HS3ST3B1: variants seen among roughly 807,000 people sequenced by gnomAD.
HS3ST3B1 encodes heparan sulfate-glucosamine 3-sulfotransferase 3B1, also known as heparan sulfate glucosamine 3-O-sulfotransferase 3B1.
A neutral mutation model predicts 21.3 loss-of-function variants in HS3ST3B1; 13 were observed. The observed-to-expected ratio is 0.61, with a 90% CI of 0.40 to 0.97. HS3ST3B1 has a LOEUF of 0.97. Among genes scored for constraint, HS3ST3B1 ranks in the 50% least tolerant of loss-of-function variants. The probability of loss-of-function intolerance (pLI) is 0.00; values close to 1 mark genes in which losing one functional copy is unlikely to be tolerated. For missense variants in HS3ST3B1, 459 were observed against 554.8 expected, an observed-to-expected ratio of 0.83 and a Z score of 1.73; for synonymous variants, 234 against 254.8, an observed-to-expected ratio of 0.92 and a Z score of 0.78.
chr17:14,330,916 C>T (rs1344287422), intron 1 of HS3ST3B1, among the ~76,000 whole-genome samples: 7 of 151,996 alleles, frequency 4.6e-5, no homozygotes, highest in African/African-American at 1.5e-4. Context: ...AGAGACAAAA[C>T]GTTGGCCCAG....
At chr17:14,314,177 C>T (rs548754567) in intron 1 of HS3ST3B1, among the ~76,000 whole-genome samples, 4 of 152,164 alleles carry the variant, frequency 2.6e-5, no homozygotes, top group Admixed American at 1.3e-4. Context: ...CAGGGTTTCT[C>T]CATGTTGGTC....
At chr17:14,330,442 G>T (rs539559310) in intron 1 of HS3ST3B1, among the ~76,000 whole-genome samples, 1 of 152,168 alleles carries the variant, frequency 6.6e-6, no homozygotes, top group South Asian at 2.1e-4. Flanking sequence ...GTTGTCTGTG[G>T]CAGGGCAGGA....
At chr17:14,310,758 T>A (rs1280276801) in intron 1 of HS3ST3B1, among the ~76,000 whole-genome samples, 1 of 152,166 alleles carries the variant, frequency 6.6e-6, no homozygotes, top group Non-Finnish European at 1.5e-5. Context: ...CCTCCTGATG[T>A]GCTGTCGGGC....
intron 1 of HS3ST3B1, among the ~76,000 whole-genome samples, chr17:14,326,277 G>A (rs559865927): frequency 6.6e-6 from 1 of 152,278 alleles, no homozygotes; most frequent in South Asian, 2.1e-4. Context: ...GAGCGAGGGA[G>A]GAACTTAGAA....
chr17:14,329,219 G>T (rs1455369354), intron 1 of HS3ST3B1: 1 of 152,010 alleles, frequency 6.6e-6, no homozygotes, highest in Non-Finnish European at 1.5e-5. Context: ...CTTTTTAGCA[G>T]CCTCAGATGG....
chr17:14,313,905 C>A (rs960020618), intron 1 of HS3ST3B1, among the ~76,000 whole-genome samples: 1 of 152,050 alleles, frequency 6.6e-6, no homozygotes, highest in Non-Finnish European at 1.5e-5. Flanking sequence ...TGTGTTATCT[C>A]TTTTCAGTAT....
intron 1 of HS3ST3B1, chr17:14,304,569 A>G (rs1909067309): frequency 6.6e-6 from 1 of 152,252 alleles, no homozygotes; most frequent in Admixed American, 6.5e-5. Flanking sequence ...CTGCTGACCC[A>G]GAGCGCATTA....
Position 14,345,101 on chromosome 17 carries a change from G to T in HS3ST3B1, c.628G>T (p.Ala210Ser), listed in dbSNP as rs375098332. ...KTPSYFVTRE[A>S]PARISAMSKD... ...GCCCAGTTACTTCGTCACGCGGGAG[G>T]CCCCTGCGCGCATCTCGGCCATGTC... Residue 210 changes from alanine (A) to serine (S), a missense_variant, in exon 2 of 2, where the codon GCC becomes TCC. Around this residue, in one of 3 missense-constraint regions of HS3ST3B1, gnomAD observed 15 missense variants for 66.3 expected, o/e 0.23. Transcript: ENST00000360954. The T allele has an allele frequency of 1.3e-6, 2 of 1,570,246 alleles. No individual in the cohort carries two copies. The highest frequency in any genetic ancestry group is 2.7e-5 in the African/African-American group (2 of 74,548).
intron 1 of HS3ST3B1, among the ~76,000 whole-genome samples, chr17:14,331,372 G>GC (rs1910006611): frequency 6.6e-6 from 1 of 152,022 alleles, no homozygotes; most frequent in East Asian, 1.9e-4. Flanking sequence ...CGAGGATTCT[G>GC]CCCCAATGAA....
At chr17:14,312,876 C>A (rs1909352836) in intron 1 of HS3ST3B1, among the ~76,000 whole-genome samples, 1 of 151,456 alleles carries the variant, frequency 6.6e-6, no homozygotes, top group Admixed American at 6.6e-5. Context: ...TTTGTACCAT[C>A]CCCAGCAGTT....
chr17:14,302,823 C>T (rs1908987033), intron 1 of HS3ST3B1, among the ~76,000 whole-genome samples: 1 of 152,228 alleles, frequency 6.6e-6, no homozygotes, highest in Non-Finnish European at 1.5e-5. Flanking sequence ...CGCCCGTTTC[C>T]GCCTCCCTGC....
rs1052073733 is a variant in HS3ST3B1, at chr17:14,344,917, A to G, written c.555-111A>G. On this transcript the variant is annotated intron_variant, in intron 1 of 1. Coordinates refer to ENST00000360954, the MANE Select transcript of HS3ST3B1 (RefSeq NM_006041.3). The stretch of plus-strand genomic sequence containing the variant: ...TTCTACTTGCATTTTACATGTTTCT[A>G]CCACTGCTTCCAGAAATAAGAGGGA... The G allele has an allele frequency of 7.0e-6, 10 of 1,434,802 alleles. No homozygotes were observed. In the African/African-American group the frequency reaches 1.3e-4, roughly 19 times the overall value. The allele number at this position is 1,434,802 out of a possible 1,614,324, so 88.9% of individuals were successfully genotyped here.
chr17:14,314,317 A>C (rs1274023732), intron 1 of HS3ST3B1, among the ~76,000 whole-genome samples: 2 of 152,214 alleles, frequency 1.3e-5, no homozygotes, highest in Non-Finnish European at 2.9e-5. Context: ...ATACTTATAG[A>C]AAAGTGTACA....
chr17:14,329,328 A>AGAAAGAAG (rs1909911784), intron 1 of HS3ST3B1: 1 of 107,716 alleles, frequency 9.3e-6, no homozygotes. Context: ...AAAGAAAGAA[A>AGAAAGAAG]GAAAGAAAGA....
intron 1 of HS3ST3B1, among the ~76,000 whole-genome samples, chr17:14,311,589 T>G (rs9904614): frequency 0.43 from 65,663 of 152,088 alleles, 14,329 homozygotes; most frequent in East Asian, 0.53. Context: ...GTTGGTGATG[T>G]ACATTGTTTA....
rs1027316501 is a variant in HS3ST3B1, at chr17:14,346,769, A to C, written c.*1123A>C. 6.6e-6 allele frequency: 1 copy of C among 152,212 alleles called. No individual in the cohort carries two copies. The highest frequency in any genetic ancestry group is 1.5e-5 in the Non-Finnish European group (1 of 68,052). 9.4% of individuals were successfully genotyped at this position (152,212 alleles called of 1,614,324 possible). On this transcript the variant is annotated 3_prime_UTR_variant, in exon 2 of 2. Transcript: ENST00000360954. The stretch of plus-strand genomic sequence containing the variant: ...CCTTTAATTTGCATGAAACTACACC[A>C]TGCTGCGTTCCCCAGGCAGACAGTT...
chr17:14,338,751 A>G (rs1910277985), intron 1 of HS3ST3B1, among the ~76,000 whole-genome samples: 1 of 152,082 alleles, frequency 6.6e-6, no homozygotes, highest in African/African-American at 2.4e-5. Context: ...CCTGGCTTAT[A>G]CCTTTCTTGA....
chr17:14,332,911 G>GT (rs1910064603), intron 1 of HS3ST3B1, among the ~76,000 whole-genome samples: 1 of 140,714 alleles, frequency 7.1e-6, no homozygotes, highest in African/African-American at 2.7e-5. Context: ...ACTGAGAAGG[G>GT]TTTTTCTTTT....
At chr17:14,307,568 T>C (rs1394642023) in intron 1 of HS3ST3B1, among the ~76,000 whole-genome samples, 1 of 152,208 alleles carries the variant, frequency 6.6e-6, no homozygotes, top group Non-Finnish European at 1.5e-5. Context: ...AAATTATTTA[T>C]AATTAAAAGC....
Sources: gnomAD v4.1 joint callset for allele counts (sites outside exome capture counted in the v4.1 genomes callset) on GRCh38, gnomAD v4.1.1 for gene constraint, gnomAD v4.1.1 regional missense constraint, MANE v1.5 for transcripts, NCBI Gene and HGNC (gene_info 2026-07-23, HGNC 2026-07-21) for gene names.